SLC66A1: variants seen among roughly 807,000 people sequenced by gnomAD.
SLC66A1 encodes the protein lysosomal amino acid transporter 1 homolog.
A neutral mutation model predicts 33.0 loss-of-function variants in SLC66A1; 23 were observed. That is an observed-to-expected ratio of 0.70 (90% confidence interval 0.50 to 0.99). The LOEUF is 0.99. Ranked by LOEUF, SLC66A1 falls within the 50% of genes least tolerant of loss-of-function variation. The pLI is 0.00. For missense variants in SLC66A1, 335 were observed against 383.6 expected, an observed-to-expected ratio of 0.87 and a Z score of 1.06; for synonymous variants, 164 against 175.5, an observed-to-expected ratio of 0.93 and a Z score of 0.52.
At chr1:19,333,127 T>A (rs1249965842), downstream of SLC66A1, among the ~76,000 whole-genome samples, 3 of 152,212 alleles carry the variant, frequency 2.0e-5, no homozygotes, top group African/African-American at 7.2e-5. The surrounding 1 kb of genome is among the most constrained non-coding windows in gnomAD (Gnocchi z 4.2). Flanking sequence ...GAAGGGATGG[T>A]CCTGGCAGCC....
downstream of SLC66A1, among the ~76,000 whole-genome samples, chr1:19,332,643 C>T (rs1015020773): frequency 5.9e-5 from 9 of 152,314 alleles, no homozygotes; most frequent in South Asian, 2.1e-4. Context: ...CGAATCTCAT[C>T]GATGGGATTC....
chr1:19,332,433 G>C (rs1208864567), downstream of SLC66A1, among the ~76,000 whole-genome samples: 1 of 152,116 alleles, frequency 6.6e-6, no homozygotes, highest in Non-Finnish European at 1.5e-5. Context: ...TTGTCATCAG[G>C]GGGCTTACCA....
intron 4 of SLC66A1, 128 bp downstream of exon 4, chr1:19,325,710 C>T: frequency 1.2e-6 from 1 of 800,416 alleles, no homozygotes; most frequent in Non-Finnish European, 2.0e-6. Context: ...CCTCGGAAAG[C>T]CTTCCCCGGG....
At chr1:19,316,908 C>T in intron 1 of SLC66A1, among the ~76,000 whole-genome samples, 1 of 131,580 alleles carries the variant, frequency 7.6e-6, no homozygotes, top group Non-Finnish European at 1.6e-5. Context: ...CTTGCTCTGT[C>T]ACCTCTTTTT....
rs759496425 is a variant in SLC66A1, at chr1:19,316,913, C to CTTT, written c.-78-666_-78-664dup. ...TAGAGGGAGTCTTGCTCTGTCACCT[C>CTTT]TTTTTTTTTTTTTTTTTTTTTTTGA... On this transcript the variant is annotated intron_variant, in intron 1 of 7. Transcript: ENST00000375153. Among the ~76,000 whole-genome samples the CTTT allele has an allele frequency of 2.5e-3, 177 of 71,504 alleles. 1 individual carries two copies. Among genetic ancestry groups the CTTT allele is most frequent in the African/African-American group, 3.4e-3 (54 of 15,662 alleles). 46.9% of individuals were successfully genotyped at this position (71,504 alleles called of 152,430 possible). A position where few individuals can be genotyped will look rare whatever the true frequency, so the allele number is the denominator to read the frequency against.
At chr1:19,332,774 G>A (rs1256393065), downstream of SLC66A1, among the ~76,000 whole-genome samples, 1 of 152,152 alleles carries the variant, frequency 6.6e-6, no homozygotes, top group African/African-American at 2.4e-5. Flanking sequence ...TGCAGGTCAT[G>A]GGATGGCAGG....
rs949442999 is a variant in SLC66A1, at chr1:19,326,130, T to G, written c.383-115T>G. On this transcript the variant is annotated intron_variant, in intron 4 of 7. Transcript: ENST00000375153. Reference sequence around the variant, plus strand: ...AGAATGAAAGCTCAGAGAGGTTAGGTCACTTGCCCAAGGTCACACAGCCCC... The same window carrying G: ...AGAATGAAAGCTCAGAGAGGTTAGGGCACTTGCCCAAGGTCACACAGCCCC... 3.2e-6 allele frequency: 3 copies of G among 933,124 alleles called. No homozygotes were observed. The Admixed American group carries it at 6.7e-5, about 21-fold the overall frequency. The allele number at this position is 933,124 out of a possible 1,614,324, so 57.8% of individuals were successfully genotyped here.
At chr1:19,317,234 C>T (rs1053441946) in intron 1 of SLC66A1, among the ~76,000 whole-genome samples, 1 of 152,184 alleles carries the variant, frequency 6.6e-6, no homozygotes, top group Non-Finnish European at 1.5e-5. Context: ...TGAACCCACA[C>T]AACAGCTGTA....
chr1:19,315,718 C>T (rs1016823468), intron 1 of SLC66A1, among the ~76,000 whole-genome samples: 4 of 152,216 alleles, frequency 2.6e-5, no homozygotes, highest in Admixed American at 1.3e-4. Context: ...TTCTCTGTCT[C>T]TCTCTCTCCC....
downstream of SLC66A1, among the ~76,000 whole-genome samples, chr1:19,329,943 G>A (rs1023316239): frequency 6.6e-6 from 1 of 151,960 alleles, no homozygotes; most frequent in African/African-American, 2.4e-5. Flanking sequence ...GCTGAGCTCC[G>A]AGTGCTTCCT....
chr1:19,313,697 A>T (rs1487583630), intron 1 of SLC66A1, among the ~76,000 whole-genome samples: 2 of 152,214 alleles, frequency 1.3e-5, no homozygotes, highest in Non-Finnish European at 2.9e-5. Context: ...ATGACTGAAG[A>T]CGTGGGTCAG....
rs377158607 is a variant in SLC66A1, at chr1:19,327,212, C to G, written c.619-15C>G. ...GCCTGTTCGAGGTCTCTGACCTGAC[C>G]TCCTCCTGCCCCAGTTCCTCCGGAA... is the stretch of plus-strand genomic sequence containing the variant. On this transcript the variant is annotated splice_polypyrimidine_tract_variant and intron_variant, in intron 6 of 7. Transcript: ENST00000375153. The G allele has an allele frequency of 1.6e-4, 262 of 1,609,054 alleles. No individual in the cohort carries two copies. The highest frequency in any genetic ancestry group is 2.2e-4 in the Non-Finnish European group (253 of 1,176,104).
downstream of SLC66A1, among the ~76,000 whole-genome samples, chr1:19,329,967 C>CA (rs1339425391): frequency 6.6e-6 from 1 of 152,058 alleles, no homozygotes; most frequent in Non-Finnish European, 1.5e-5. Flanking sequence ...CCCGCAAACT[C>CA]AGTGTTGTCC....
downstream of SLC66A1, among the ~76,000 whole-genome samples, chr1:19,333,928 CAAA>C (rs751628642): frequency 9.4e-4 from 142 of 151,696 alleles, no homozygotes; most frequent in African/African-American, 1.8e-3. This position sits in a 1 kb window ranked among gnomAD's most constrained non-coding sequence, Gnocchi z 4.2. Flanking sequence ...CAAAACAAAA[CAAA>C]ACAAAACACA....
In SLC66A1 at chr1:19,328,983, A is replaced by T. The variant is rs939900200; in HGVS notation, c.*340A>T. 8.0e-6 allele frequency: 3 copies of T among 374,766 alleles called. No individual in the cohort carries two copies. The highest frequency in any genetic ancestry group is 4.4e-5 in the Admixed American group (1 of 22,848). 23.2% of individuals were successfully genotyped at this position (374,766 alleles called of 1,614,324 possible). A position where few individuals can be genotyped will look rare whatever the true frequency, so the allele number is the denominator to read the frequency against. Reference sequence around the variant, plus strand: ...AGACAACTGAATAAACAGGCCGGGTACAGTGGCTCGCACCTGTAATCCTAG... The same window carrying T: ...AGACAACTGAATAAACAGGCCGGGTTCAGTGGCTCGCACCTGTAATCCTAG... On this transcript the variant is annotated 3_prime_UTR_variant, in exon 8 of 8. Coordinates refer to ENST00000375153, the MANE Select transcript of SLC66A1 (RefSeq NM_001040125.2). This position sits in a 1 kb window ranked among gnomAD's most constrained non-coding sequence, Gnocchi z 4.7.
At chr1:19,327,105 C>T in intron 6 of SLC66A1, 122 bp from the exon 7 acceptor site, 1 of 1,035,448 alleles carries the variant, frequency 9.7e-7, no homozygotes, top group Non-Finnish European at 1.4e-6. Flanking sequence ...CCCTGGGCAC[C>T]CAGGGAAAGA....
chr1:19,322,999 A>G (rs1335092700), intron 2 of SLC66A1, among the ~76,000 whole-genome samples: 1 of 151,504 alleles, frequency 6.6e-6, no homozygotes, highest in East Asian at 1.9e-4. Flanking sequence ...CTCCCACCTC[A>G]GCCTCTTGAG....
chr1:19,320,514 C>T (rs561596801), intron 2 of SLC66A1, among the ~76,000 whole-genome samples: 31 of 147,400 alleles, frequency 2.1e-4, no homozygotes, highest in African/African-American at 6.5e-4. Context: ...TCCGGGTTCA[C>T]GCCATTCTCC....
intron 2 of SLC66A1, among the ~76,000 whole-genome samples, chr1:19,319,605 G>GGTTTT (rs2093823237): frequency 8.9e-6 from 1 of 111,870 alleles, no homozygotes; most frequent in Non-Finnish European, 1.7e-5. Flanking sequence ...GCACATTCAT[G>GGTTTT]TTTTTTTTTT....
Sources: gnomAD v4.1 joint callset for allele counts (sites outside exome capture counted in the v4.1 genomes callset) on GRCh38, gnomAD v4.1.1 for gene constraint, Gnocchi (gnomAD v3.1) non-coding constraint, MANE v1.5 for transcripts, NCBI Gene and HGNC (gene_info 2026-07-23, HGNC 2026-07-21) for gene names.